LDAH: variants seen among roughly 807,000 people sequenced by gnomAD.
The protein encoded by LDAH is lipid droplet-associated hydrolase.
Under a neutral mutation model 29.6 loss-of-function variants are expected in LDAH, and 26 were observed. The ratio of observed to expected loss-of-function variants is 0.88; its 90% CI spans 0.64 to 1.22. The LOEUF is 1.22. LDAH is among the 50% of genes most tolerant of loss of function. The pLI, the probability that LDAH is intolerant of heterozygous loss-of-function variation, is 0.00. For synonymous variants in LDAH, 117 were observed against 133.0 expected (o/e 0.88, Z 0.83); for missense variants, 344 against 387.3 (o/e 0.89, Z 0.94).
chr2:20,770,856 G>C (rs1023163057), intron 4 of LDAH, among the ~76,000 whole-genome samples: 4 of 152,166 alleles, frequency 2.6e-5, no homozygotes, highest in Non-Finnish European at 5.9e-5. Context: ...AGCCAAGGCT[G>C]AATACTGGCA....
rs943861817 is a variant in LDAH at position 20,727,372 on chromosome 2, A to G, written c.703+12599T>C. Among the ~76,000 whole-genome samples the G allele has an allele frequency of 6.6e-5, 10 of 152,362 alleles. No homozygotes were observed. In the East Asian group the frequency reaches 1.7e-3, roughly 26 times the overall value. On this transcript the variant is annotated intron_variant, in intron 5 of 6. Coordinates refer to ENST00000237822, the MANE Select transcript of LDAH (RefSeq NM_021925.4). Reference sequence around the variant, plus strand: ...GTTAAAAATATTCTAGAAGAAATTTATGATTCTTTAGTGATGCAAATGCTT... The same window carrying G: ...GTTAAAAATATTCTAGAAGAAATTTGTGATTCTTTAGTGATGCAAATGCTT...
intron 6 of LDAH, among the ~76,000 whole-genome samples, chr2:20,691,746 T>C (rs1014338630): frequency 1.3e-5 from 2 of 152,268 alleles, no homozygotes; most frequent in African/African-American, 2.4e-5. Flanking sequence ...CAAATTGTCA[T>C]GTTAAGTAAC....
chr2:20,809,149 T>G (rs1161060228), intron 1 of LDAH, among the ~76,000 whole-genome samples: 1 of 151,326 alleles, frequency 6.6e-6, no homozygotes, highest in Non-Finnish European at 1.5e-5. Context: ...CCCAGCACTT[T>G]AGGAGGCCGA....
intron 4 of LDAH, among the ~76,000 whole-genome samples, chr2:20,749,724 G>A (rs1437468914): frequency 6.6e-6 from 1 of 152,148 alleles, no homozygotes; most frequent in Non-Finnish European, 1.5e-5. Context: ...CTAAACCTTG[G>A]GAATATAAGC....
chr2:20,779,701 T>TA (rs1670055069), intron 3 of LDAH, among the ~76,000 whole-genome samples: 1 of 152,148 alleles, frequency 6.6e-6, no homozygotes, highest in Non-Finnish European at 1.5e-5. Flanking sequence ...AATATTTATG[T>TA]AAATATGGCA....
intron 5 of LDAH, among the ~76,000 whole-genome samples, chr2:20,724,721 G>C (rs1436814520): frequency 6.6e-6 from 1 of 152,234 alleles, no homozygotes; most frequent in East Asian, 1.9e-4. Context: ...AAGAGCCAGA[G>C]ACAATGTAGA....
intron 5 of LDAH, among the ~76,000 whole-genome samples, chr2:20,710,585 G>GGTGT (rs376841719): frequency 0.052 from 5,259 of 100,512 alleles, 121 homozygotes; most frequent in East Asian, 0.076. Flanking sequence ...TATATATAGG[G>GGTGT]GTGTGTGTGT....
intron 4 of LDAH, among the ~76,000 whole-genome samples, chr2:20,748,234 G>A (rs1416767703): frequency 1.3e-5 from 2 of 151,958 alleles, no homozygotes; most frequent in African/African-American, 4.8e-5. Context: ...TTCCATTCAT[G>A]TGAATTATAT....
At chr2:20,737,756 TC>T (rs1361756464) in intron 5 of LDAH, among the ~76,000 whole-genome samples, 4 of 152,148 alleles carry the variant, frequency 2.6e-5, no homozygotes, top group African/African-American at 9.7e-5. Flanking sequence ...CAGAGAGACT[TC>T]ATTTTGAGTG....
intron 4 of LDAH, among the ~76,000 whole-genome samples, chr2:20,743,286 T>C (rs1224492042): frequency 6.6e-6 from 1 of 151,322 alleles, no homozygotes; most frequent in Non-Finnish European, 1.5e-5. Context: ...TTTTGCAATA[T>C]CCATTTACAA....
rs114479426 is a variant in LDAH, at chr2:20,775,327, G to A, written c.299-348C>T. On this transcript the variant is annotated intron_variant, in intron 3 of 6. Coordinates refer to ENST00000237822, the MANE Select transcript of LDAH (RefSeq NM_021925.4). ...AATTCTGTGTATTACTGTTAGCTTA[G>A]GCCAGTGGTTCTCAAACTTGAGCAT... Among the ~76,000 whole-genome samples, 1,061 of 152,220 alleles carry A rather than the reference G, an allele frequency of 7.0e-3. 18 individuals carry two copies. The highest frequency in any genetic ancestry group is 0.024 in the African/African-American group (995 of 41,532).
rs57619975 is a variant in LDAH, at chr2:20,795,945, CCACACACACACACACACA to C, written c.154+5347_154+5364del. 8.0e-4 allele frequency among the ~76,000 whole-genome samples: 113 copies of C among 141,992 alleles called. 3 individuals carry two copies. In the South Asian group the frequency reaches 0.011, roughly 14 times the overall value. The allele number at this position is 141,992 out of a possible 152,430, so 93.2% of individuals were successfully genotyped here. A position where few individuals can be genotyped will look rare whatever the true frequency, so the allele number is the denominator to read the frequency against. Reference sequence around the variant, plus strand: ...AATAGATTAGCTCCCCCGAAACCTGCCACACACACACACACACACACACACACACACACACACACAAAA... The same window carrying C: ...AATAGATTAGCTCCCCCGAAACCTGCCACACACACACACACACACACAAAA... On this transcript the variant is annotated intron_variant, in intron 2 of 6. Coordinates refer to ENST00000237822, the MANE Select transcript of LDAH (RefSeq NM_021925.4).
At chr2:20,745,289 T>C (rs2124862639) in intron 4 of LDAH, among the ~76,000 whole-genome samples, 1 of 152,326 alleles carries the variant, frequency 6.6e-6, no homozygotes, top group African/African-American at 2.4e-5. Context: ...CACACAAAGA[T>C]TTCTATTTCT....
In LDAH at chr2:20,801,399, T is replaced by C; in HGVS notation, c.65A>G (p.Glu22Gly). Residue 22 changes from glutamate (E) to glycine (G), a missense_variant, in exon 2 of 7, where the codon GAA (glutamate) becomes GGA (glycine). By Grantham distance (98) the Glu-to-Gly change is moderately conservative. Coordinates refer to ENST00000237822, the MANE Select transcript of LDAH (RefSeq NM_021925.4). ...GGGCCCACATTTTAGAACCTGGGTT[T>C]CGGCTCCACCACACAAAATGAATTC... ...HEEFILCGGA[E>G]TQVLKCGPWT... 1 of 1,614,166 alleles carries C rather than the reference T, an allele frequency of 6.2e-7. No individual in the cohort carries two copies. Among genetic ancestry groups the C allele is most frequent in the Non-Finnish European group, 8.5e-7 (1 of 1,180,010 alleles).
At chr2:20,743,327 T>TTTA (rs1667334128) in intron 4 of LDAH, among the ~76,000 whole-genome samples, 1 of 139,260 alleles carries the variant, frequency 7.2e-6, no homozygotes, top group South Asian at 2.2e-4. Context: ...TTTTTTTTTT[T>TTTA]ATTATACTTT....
At chr2:20,743,159 C>A (rs915244748) in intron 4 of LDAH, among the ~76,000 whole-genome samples, 14 of 152,042 alleles carry the variant, frequency 9.2e-5, no homozygotes, top group Admixed American at 6.5e-4. Context: ...TCATCTTCCA[C>A]ATATTTTCTG....
intron 3 of LDAH, chr2:20,789,146 C>A (rs576012625): frequency 1.2e-5 from 18 of 1,550,498 alleles, no homozygotes; most frequent in African/African-American, 5.5e-5. Context: ...ATTGTGAAAA[C>A]CAGCTGTAAT....
intron 4 of LDAH, among the ~76,000 whole-genome samples, chr2:20,747,377 C>T (rs1336385831): frequency 1.3e-5 from 2 of 152,056 alleles, no homozygotes; most frequent in Admixed American, 6.6e-5. Flanking sequence ...GCTTCTCCAC[C>T]GTACAAGCAG....
intron 4 of LDAH, among the ~76,000 whole-genome samples, chr2:20,760,503 T>C (rs576331455): frequency 7.2e-4 from 110 of 152,330 alleles, no homozygotes; most frequent in South Asian, 5.2e-3. Flanking sequence ...GCAATCAAGG[T>C]GTCAGCTAGG....
Sources: gnomAD v4.1 joint callset for allele counts (sites outside exome capture counted in the v4.1 genomes callset) on GRCh38, gnomAD v4.1.1 for gene constraint, MANE v1.5 for transcripts, NCBI Gene and HGNC (gene_info 2026-07-23, HGNC 2026-07-21) for gene names.